The following ANO5 variants were observed in gnomAD, a reference collection of about 807,000 sequenced individuals.
ANO5 encodes anoctamin-5.
Under a neutral mutation model 121.0 loss-of-function variants are expected in ANO5, and 109 were observed. The observed-to-expected ratio is 0.90, with a 90% CI of 0.77 to 1.06. The LOEUF is 1.06. Ranked by LOEUF, ANO5 falls within the 50% of genes least tolerant of loss-of-function variation. The pLI, the probability that ANO5 is intolerant of heterozygous loss-of-function variation, is 0.00. For synonymous variants in ANO5, 406 were observed against 359.9 expected (o/e 1.13, Z -1.45); for missense variants, 1,064 against 1,078.5 (o/e 0.99, Z 0.19).
chr11:22,195,140 A>G (rs1333117159), intron 1 of ANO5, among the ~76,000 whole-genome samples: 1 of 152,194 alleles, frequency 6.6e-6, no homozygotes, highest in Non-Finnish European at 1.5e-5. Flanking sequence ...GTAAAGTGGT[A>G]TCTCAGTGTG....
chr11:22,205,376 A>T (rs79695089), intron 2 of ANO5, among the ~76,000 whole-genome samples: 4,815 of 152,140 alleles, frequency 0.032, 111 homozygotes, highest in Middle Eastern at 0.048. Context: ...AAGTTCAGCG[A>T]CCTAAATGCT....
At chr11:22,230,144 T>G (rs6483838) in intron 7 of ANO5, among the ~76,000 whole-genome samples, 21,101 of 151,906 alleles carry the variant, frequency 0.14, 4,267 homozygotes, top group African/African-American at 0.44. Flanking sequence ...GTGGAAAAAG[T>G]TTAGACTTTT....
intron 3 of ANO5, among the ~76,000 whole-genome samples, chr11:22,217,784 A>G: frequency 6.8e-6 from 1 of 148,128 alleles, no homozygotes; most frequent in South Asian, 2.4e-4. Context: ...TGGAGGGTGG[A>G]GGATGGGAGG....
At chr11:22,236,460 T>C (rs913929981) in intron 8 of ANO5, among the ~76,000 whole-genome samples, 184 bp downstream of exon 8, 7 of 152,198 alleles carry the variant, frequency 4.6e-5, no homozygotes, top group African/African-American at 1.7e-4. Context: ...AGTAAATGTA[T>C]CTTTAAGGTT....
At chr11:22,241,332 G>T (rs1853425126) in intron 9 of ANO5, among the ~76,000 whole-genome samples, 3 of 43,876 alleles carry the variant, frequency 6.8e-5, no homozygotes. Flanking sequence ...CTTTGCTATT[G>T]TGAATAGTGC....
rs372937438 is a variant in ANO5 at position 22,261,726 on chromosome 11, TG to T, written c.1631-398del. 1,043 of 212,932 alleles carry T rather than the reference TG, an allele frequency of 4.9e-3. 8 individuals carry two copies. The highest frequency in any genetic ancestry group is 0.023 in the African/African-American group (981 of 42,636). 13.2% of individuals were successfully genotyped at this position (212,932 alleles called of 1,614,324 possible). A position where few individuals can be genotyped will look rare whatever the true frequency, so the allele number is the denominator to read the frequency against. Reference sequence around the variant, plus strand: ...TTCACTCAATACCAGGAGAACAGCATGGGGGAAACCACACCCATGATTCAAT... The same window carrying T: ...TTCACTCAATACCAGGAGAACAGCATGGGGAAACCACACCCATGATTCAAT... On this transcript the variant is annotated intron_variant, in intron 15 of 21. Transcript: ENST00000324559.
rs967116152 is a variant in ANO5, at chr11:22,281,596, T to C, written c.*1831T>C. On this transcript the variant is annotated 3_prime_UTR_variant, in exon 22 of 22. Coordinates refer to ENST00000324559, the MANE Select transcript of ANO5 (RefSeq NM_213599.3). ...TGGCTTGTCAAATCAGATTCTCCAT[T>C]GCTATAGTGTACAGTGCACACAGCT... 2.0e-5 allele frequency: 3 copies of C among 152,088 alleles called. No homozygotes were observed. 9.4% of individuals were successfully genotyped at this position (152,088 alleles called of 1,614,324 possible).
At chr11:22,275,957 T>C in intron 20 of ANO5, 137 bp from the exon 21 acceptor site, 1 of 644,158 alleles carries the variant, frequency 1.6e-6, no homozygotes, top group Non-Finnish European at 2.7e-6. Context: ...TGTTTCATAA[T>C]ATCAGTTAAC....
At chr11:22,273,762 CAAAG>C (rs1436041518) in intron 19 of ANO5, among the ~76,000 whole-genome samples, 1 of 151,924 alleles carries the variant, frequency 6.6e-6, no homozygotes, top group African/African-American at 2.4e-5. Flanking sequence ...ACTGGAAAGA[CAAAG>C]TAAGTAAAAC....
intron 5 of ANO5, 147 bp from the exon 6 acceptor site, chr11:22,225,837 G>A (rs1376906061): frequency 3.1e-6 from 2 of 639,992 alleles, no homozygotes; most frequent in Non-Finnish European, 5.6e-6. Flanking sequence ...AGCAGTACCT[G>A]ACATTCAGAT....
chr11:22,257,071 C>T (rs1017391626), intron 13 of ANO5, among the ~76,000 whole-genome samples: 4 of 45,350 alleles, frequency 8.8e-5, no homozygotes, highest in African/African-American at 6.5e-4. Flanking sequence ...CTGCTGACAG[C>T]GTTTTTTTTT....
intron 3 of ANO5, among the ~76,000 whole-genome samples, chr11:22,212,329 T>G (rs951215410): frequency 6.6e-6 from 1 of 151,936 alleles, no homozygotes; most frequent in Admixed American, 6.6e-5. Context: ...AAATCTTTCT[T>G]CTTTGTCCTC....
intron 17 of ANO5, among the ~76,000 whole-genome samples, chr11:22,264,283 C>T (rs745618381): frequency 5.9e-5 from 9 of 151,994 alleles, no homozygotes; most frequent in Non-Finnish European, 1.3e-4. Context: ...CCTCAGCCTC[C>T]CAAAGTGCTG....
intron 7 of ANO5, among the ~76,000 whole-genome samples, chr11:22,229,102 G>A (rs915480156): frequency 2.0e-5 from 3 of 151,764 alleles, no homozygotes; most frequent in African/African-American, 4.8e-5. Context: ...CATCTGTAGT[G>A]TGTAAGACTA....
At chr11:22,267,730 A>G (rs1044061844) in intron 17 of ANO5, among the ~76,000 whole-genome samples, 1 of 151,942 alleles carries the variant, frequency 6.6e-6, no homozygotes, top group Non-Finnish European at 1.5e-5. Context: ...TAAATCTAAT[A>G]CCCAGTACTT....
chr11:22,257,636 G>A, intron 13 of ANO5, 44 bp from the exon 14 acceptor site: 3 of 1,497,032 alleles, frequency 2.0e-6, no homozygotes, highest in Non-Finnish European at 2.8e-6. Flanking sequence ...TCTTGACTTA[G>A]AGGGGAGATT....
At chr11:22,197,211 G>T (rs868737471) in intron 1 of ANO5, among the ~76,000 whole-genome samples, 4 of 152,228 alleles carry the variant, frequency 2.6e-5, no homozygotes, top group African/African-American at 9.6e-5. Flanking sequence ...AACACATGAG[G>T]AATCAGTGAT....
intron 17 of ANO5, among the ~76,000 whole-genome samples, chr11:22,268,412 T>C (rs1184269326): frequency 6.6e-6 from 1 of 150,406 alleles, no homozygotes; most frequent in East Asian, 1.9e-4. Context: ...TACTTTTTAA[T>C]TGCTATTGTA....
At chr11:22,205,768 G>A (rs1435229161) in intron 2 of ANO5, among the ~76,000 whole-genome samples, 3 of 151,932 alleles carry the variant, frequency 2.0e-5, no homozygotes, top group Non-Finnish European at 2.9e-5. Flanking sequence ...CCAATATCGG[G>A]AATAAAGCAG....
Sources: gnomAD v4.1 joint callset for allele counts (sites outside exome capture counted in the v4.1 genomes callset) on GRCh38, gnomAD v4.1.1 for gene constraint, MANE v1.5 for transcripts, NCBI Gene and HGNC (gene_info 2026-07-23, HGNC 2026-07-21) for gene names.